LRTM1: variants seen among roughly 807,000 people sequenced by gnomAD.
The protein encoded by LRTM1 is leucine rich repeat transmembrane protein 1.
A neutral mutation model predicts 32.4 loss-of-function variants in LRTM1; 38 were observed. The ratio of observed to expected loss-of-function variants is 1.17; its 90% CI spans 0.91 to 1.54. The LOEUF (loss-of-function observed/expected upper bound fraction) is 1.54, where lower values mean the gene tolerates loss of function less well. Ranked by LOEUF, LRTM1 falls within the 40% of genes most tolerant of loss-of-function variation. The pLI is 0.00. For synonymous variants in LRTM1, 186 were observed against 169.9 expected, an observed-to-expected ratio of 1.09 and a Z score of -0.74; for missense variants, 466 against 415.4, an observed-to-expected ratio of 1.12 and a Z score of -1.06.
chr3:54,962,772 T>C (rs1282852347), intron 1 of LRTM1, among the ~76,000 whole-genome samples: 3 of 152,180 alleles, frequency 2.0e-5, no homozygotes, highest in African/African-American at 7.2e-5. Flanking sequence ...ATATATTGTA[T>C]GACTGGAGGG....
At chr3:54,937,521 C>T (rs1006383477) in intron 1 of LRTM1, among the ~76,000 whole-genome samples, 1 of 152,098 alleles carries the variant, frequency 6.6e-6, no homozygotes, top group Admixed American at 6.6e-5. Flanking sequence ...TATTAGTGGA[C>T]CTGTGCAGTT....
rs111993202 is a variant in LRTM1 at position 54,949,917 on chromosome 3, G to A, written c.-222+17011C>T. 3.0e-3 allele frequency among the ~76,000 whole-genome samples: 462 copies of A among 152,292 alleles called. 1 individual carries two copies. Among genetic ancestry groups the A allele is most frequent in the African/African-American group, 0.011 (449 of 41,556 alleles). On this transcript the variant is annotated intron_variant, in intron 1 of 2. Coordinates refer to the LRTM1 transcript ENST00000493075. ...GGCATTATTCATGTCTAGTCTACCT[G>A]AGGGCCACCCCAAATAATGTTTCTC...
At chr3:54,940,802 A>G (rs1198717379) in intron 1 of LRTM1, among the ~76,000 whole-genome samples, 3 of 152,076 alleles carry the variant, frequency 2.0e-5, no homozygotes, top group African/African-American at 7.2e-5. Flanking sequence ...TTTTTGGTGG[A>G]ATTTTTCTGA....
chr3:54,947,182 G>A (rs768207126), intron 1 of LRTM1, among the ~76,000 whole-genome samples: 3 of 152,130 alleles, frequency 2.0e-5, no homozygotes, highest in Non-Finnish European at 4.4e-5. Flanking sequence ...GAGCAGAGGC[G>A]GGTTAAGTAA....
In LRTM1 at chr3:54,966,241, A is replaced by G. The variant is rs566232033; in HGVS notation, c.-222+687T>C. ...GAGGGAGAAGCACCATGGAAAGGCT[A>G]CCCTGGAGTGACTCTTTCAGGGAGT... is the stretch of plus-strand genomic sequence containing the variant. On this transcript the variant is annotated intron_variant, in intron 1 of 2. Transcript: ENST00000493075. Among the ~76,000 whole-genome samples, 223 of 152,116 alleles carry G rather than the reference A, an allele frequency of 1.5e-3. 13 individuals carry two copies. In the South Asian group the frequency reaches 0.045, roughly 30 times the overall value.
chr3:54,918,479 A>G lies in LRTM1; in HGVS notation c.1018T>C (p.Phe340Leu), dbSNP rs1329970657. 12 of 1,613,416 alleles carry G rather than the reference A, an allele frequency of 7.4e-6. No homozygotes were observed. The highest frequency in any genetic ancestry group is 8.5e-7 in the Non-Finnish European group (1 of 1,179,782). The change falls in exon 3 of 3, where the codon TTT (phenylalanine) becomes CTT (leucine). Residue 340 changes from phenylalanine to leucine, a missense_variant. By Grantham distance (22) the Phe-to-Leu change is conservative. Coordinates refer to ENST00000273286, the MANE Select transcript of LRTM1 (RefSeq NM_020678.4). ...DPGKVEEKERFDSSPA is the reference protein window; with the variant it reads ...DPGKVEEKERLDSSPA ...AGCTCTCAGGCTGGTGAGCTGTCAA[A>G]TCGCTCTTTTTCTTCCACCTTCCCA...
intron 1 of LRTM1, among the ~76,000 whole-genome samples, chr3:54,950,513 G>T (rs1701732011): frequency 6.6e-6 from 1 of 152,172 alleles, no homozygotes; most frequent in African/African-American, 2.4e-5. Context: ...AAGATGCTTT[G>T]TGCAAGAAGA....
intron 1 of LRTM1, among the ~76,000 whole-genome samples, chr3:54,939,446 T>G (rs1040130437): frequency 2.6e-5 from 4 of 152,158 alleles, no homozygotes; most frequent in African/African-American, 9.7e-5. Context: ...TGTGGAGAAA[T>G]GCAAAAGAAG....
intron 1 of LRTM1, among the ~76,000 whole-genome samples, chr3:54,956,489 C>T (rs187606760): frequency 6.6e-6 from 1 of 152,188 alleles, no homozygotes; most frequent in Non-Finnish European, 1.5e-5. Context: ...GCATGGGCCA[C>T]ATGGTCTTAA....
chr3:54,932,081 C>T (rs1575386693), upstream of LRTM1, among the ~76,000 whole-genome samples: 1 of 152,008 alleles, frequency 6.6e-6, no homozygotes, highest in East Asian at 1.9e-4. Context: ...ACTCGGGAGG[C>T]TGAGGTAGGA....
At chr3:54,965,935 G>A (rs1397644185) in intron 1 of LRTM1, among the ~76,000 whole-genome samples, 1 of 152,174 alleles carries the variant, frequency 6.6e-6, no homozygotes, top group Non-Finnish European at 1.5e-5. Flanking sequence ...AGGGAGATCA[G>A]AGAGAAGCAG....
chr3:54,920,907 G>A (rs1371352337), intron 2 of LRTM1, among the ~76,000 whole-genome samples: 1 of 152,150 alleles, frequency 6.6e-6, no homozygotes, highest in African/African-American at 2.4e-5. Context: ...GGGAGCCACA[G>A]CCTCTGGACC....
At chr3:54,932,534 T>C (rs1402395371), upstream of LRTM1, among the ~76,000 whole-genome samples, 9 of 152,240 alleles carry the variant, frequency 5.9e-5, no homozygotes, top group Admixed American at 5.9e-4. Flanking sequence ...TTTCCTTTAC[T>C]GGAATATTTG....
upstream of LRTM1, among the ~76,000 whole-genome samples, chr3:54,932,563 T>C: frequency 6.6e-6 from 1 of 152,246 alleles, no homozygotes; most frequent in East Asian, 1.9e-4. Context: ...TATCTTCTAG[T>C]GACTGGCTGA....
rs1244641421 is a variant in LRTM1, at chr3:54,918,900, A to G, written c.605-8T>C. On this transcript the variant is annotated splice_polypyrimidine_tract_variant and splice_region_variant and intron_variant, in intron 2 of 2. Coordinates refer to ENST00000273286, the MANE Select transcript of LRTM1 (RefSeq NM_020678.4). Reference sequence around the variant, plus strand: ...TGCCGTCTGTTAGTCCCCCTTTAAAAAACAAAAGCAAAGAACAATAACAAA... The same window carrying G: ...TGCCGTCTGTTAGTCCCCCTTTAAAGAACAAAAGCAAAGAACAATAACAAA... 1 of 1,516,264 alleles carries G rather than the reference A, an allele frequency of 6.6e-7. No homozygotes were observed. Among genetic ancestry groups the G allele is most frequent in the Admixed American group, 2.2e-5 (1 of 44,860 alleles). 93.9% of individuals were successfully genotyped at this position (1,516,264 alleles called of 1,614,324 possible).
chr3:54,947,751 G>T (rs577579993), intron 1 of LRTM1, among the ~76,000 whole-genome samples: 1 of 152,254 alleles, frequency 6.6e-6, no homozygotes, highest in Non-Finnish European at 1.5e-5. Context: ...TTCCAAATAT[G>T]AAGGGCTTGG....
intron 1 of LRTM1, among the ~76,000 whole-genome samples, chr3:54,962,003 G>A (rs989339689): frequency 1.3e-5 from 2 of 151,950 alleles, no homozygotes; most frequent in African/African-American, 4.8e-5. Context: ...TGCTCACTCA[G>A]GTCTCTCTCC....
chr3:54,928,616 T>G (rs1701096884), upstream of LRTM1, among the ~76,000 whole-genome samples: 1 of 152,274 alleles, frequency 6.6e-6, no homozygotes, highest in Middle Eastern at 3.4e-3. Flanking sequence ...TAGCCATGGT[T>G]TCCTTTAGTG....
chr3:54,923,750 C>T (rs1016497159), intron 2 of LRTM1, among the ~76,000 whole-genome samples: 3 of 152,178 alleles, frequency 2.0e-5, no homozygotes, highest in African/African-American at 7.2e-5. Flanking sequence ...AAAGCCATGC[C>T]TTCTGTTCTC....
Sources: gnomAD v4.1 joint callset for allele counts (sites outside exome capture counted in the v4.1 genomes callset) on GRCh38, gnomAD v4.1.1 for gene constraint, MANE v1.5 for transcripts, NCBI Gene and HGNC (gene_info 2026-07-23, HGNC 2026-07-21) for gene names.